SPATA17: variants seen among roughly 807,000 people sequenced by gnomAD.
The protein encoded by SPATA17 is spermatogenesis associated 17, also known as spermatogenesis-associated protein 17.
A neutral mutation model predicts 62.2 loss-of-function variants in SPATA17; 53 were observed. That is an observed-to-expected ratio of 0.85 (90% confidence interval 0.68 to 1.07). SPATA17 has a LOEUF of 1.07. Ranked by LOEUF, SPATA17 falls within the 50% of genes least tolerant of loss-of-function variation. The pLI, the probability that SPATA17 is intolerant of heterozygous loss-of-function variation, is 0.00. For synonymous variants in SPATA17, 146 were observed against 146.8 expected (o/e 0.99, Z 0.04); for missense variants, 466 against 425.5 (o/e 1.10, Z -0.84).
intron 10 of SPATA17, among the ~76,000 whole-genome samples, chr1:217,863,849 G>A (rs1273210363): frequency 3.3e-5 from 5 of 152,128 alleles, no homozygotes; most frequent in Admixed American, 6.6e-5. Flanking sequence ...GAGGAAAGGG[G>A]CAGAAATGAG....
At chr1:217,756,354 A>G (rs1571784271) in intron 6 of SPATA17, among the ~76,000 whole-genome samples, 1 of 151,878 alleles carries the variant, frequency 6.6e-6, no homozygotes, top group Non-Finnish European at 1.5e-5. Flanking sequence ...CTTATATACC[A>G]AGAAAAGGCA....
At chr1:217,633,915 G>T (rs1217511379) in intron 1 of SPATA17, among the ~76,000 whole-genome samples, 1 of 152,152 alleles carries the variant, frequency 6.6e-6, no homozygotes, top group Non-Finnish European at 1.5e-5. Flanking sequence ...ATGTGGAAAC[G>T]AGAAGCTCCT....
chr1:217,766,347 CT>C (rs541242077), intron 6 of SPATA17, among the ~76,000 whole-genome samples: 38 of 150,636 alleles, frequency 2.5e-4, no homozygotes, highest in Admixed American at 4.6e-4. Context: ...AGCTGCATTT[CT>C]TTTTTTTTAA....
chr1:217,777,023 C>G (rs1319550441), intron 7 of SPATA17, among the ~76,000 whole-genome samples: 1 of 151,256 alleles, frequency 6.6e-6, no homozygotes. Flanking sequence ...AAAGACTACC[C>G]GACGGTGTGG....
chr1:217,779,717 A>G (rs1353271026), intron 7 of SPATA17, among the ~76,000 whole-genome samples: 1 of 151,868 alleles, frequency 6.6e-6, no homozygotes, highest in East Asian at 1.9e-4. Flanking sequence ...TGTGTTACCA[A>G]TAATAAAAAA....
chr1:217,704,230 C>CCTTTTT (rs1671677592), intron 5 of SPATA17, among the ~76,000 whole-genome samples: 1 of 41,692 alleles, frequency 2.4e-5, no homozygotes, highest in Non-Finnish European at 4.6e-5. Flanking sequence ...TTCCCTCTAC[C>CCTTTTT]TTTTTTTTTT....
At chr1:217,756,388 G>T (rs116478640) in intron 6 of SPATA17, among the ~76,000 whole-genome samples, 2,811 of 151,876 alleles carry the variant, frequency 0.019, 97 homozygotes, top group African/African-American at 0.064. Context: ...ATATTTTTTA[G>T]ACTCTGTGTG....
chr1:217,739,885 A>G (rs1571771028), intron 5 of SPATA17, among the ~76,000 whole-genome samples: 1 of 152,212 alleles, frequency 6.6e-6, no homozygotes, highest in Non-Finnish European at 1.5e-5. Flanking sequence ...GGATGAATTT[A>G]TTAAATTAAC....
intron 1 of SPATA17, among the ~76,000 whole-genome samples, chr1:217,634,838 T>A (rs1423345471): frequency 2.0e-5 from 3 of 152,236 alleles, no homozygotes; most frequent in African/African-American, 7.2e-5. Context: ...TCTCTTTCAC[T>A]GTCTCAGTTA....
intron 6 of SPATA17, among the ~76,000 whole-genome samples, chr1:217,760,300 T>C (rs888021765): frequency 4.6e-5 from 7 of 151,962 alleles, no homozygotes; most frequent in Non-Finnish European, 1.0e-4. Flanking sequence ...CAGAACAAAA[T>C]AGGAAAACAA....
intron 9 of SPATA17, among the ~76,000 whole-genome samples, chr1:217,820,207 C>T (rs1457982503): frequency 1.3e-5 from 2 of 152,040 alleles, no homozygotes; most frequent in Admixed American, 1.3e-4. Flanking sequence ...ACCCGCTAGA[C>T]TATCCTAAAC....
intron 5 of SPATA17, among the ~76,000 whole-genome samples, chr1:217,704,541 C>T (rs1466156547): frequency 9.9e-5 from 15 of 151,958 alleles, no homozygotes; most frequent in South Asian, 4.2e-4. Context: ...TGAGCCACCG[C>T]GCCCGGCCCT....
chr1:217,745,845 C>T (rs964874367), intron 6 of SPATA17, among the ~76,000 whole-genome samples: 1 of 152,002 alleles, frequency 6.6e-6, no homozygotes, highest in Non-Finnish European at 1.5e-5. Flanking sequence ...CTGAAATTAA[C>T]AACCATTTAT....
chr1:217,863,133 T>G (rs1168062449), intron 10 of SPATA17, among the ~76,000 whole-genome samples: 1 of 148,070 alleles, frequency 6.8e-6, no homozygotes, highest in Non-Finnish European at 1.5e-5. Context: ...TTTTTTTTTT[T>G]TTTTTTTGAG....
intron 5 of SPATA17, among the ~76,000 whole-genome samples, chr1:217,726,801 A>AT (rs767584798): frequency 6.6e-6 from 1 of 152,014 alleles, no homozygotes; most frequent in Non-Finnish European, 1.5e-5. Flanking sequence ...AAATCCACAC[A>AT]TTATTACTAC....
intron 9 of SPATA17, among the ~76,000 whole-genome samples, chr1:217,841,010 TA>T (rs987271887): frequency 1.3e-4 from 20 of 151,352 alleles, no homozygotes; most frequent in Non-Finnish European, 2.6e-4. Context: ...ATTCAGAAAA[TA>T]AAAAAATGTT....
chr1:217,836,962 G>A (rs1050050196), intron 9 of SPATA17, among the ~76,000 whole-genome samples: 2 of 152,046 alleles, frequency 1.3e-5, no homozygotes, highest in African/African-American at 2.4e-5. Context: ...GTTATTTTGG[G>A]TATATGTTCC....
chr1:217,820,411 CA>C (rs1425228433), intron 9 of SPATA17, among the ~76,000 whole-genome samples: 2 of 151,828 alleles, frequency 1.3e-5, no homozygotes, highest in Non-Finnish European at 2.9e-5. Context: ...ACAAGAATGG[CA>C]GTGGATTTGG....
At chr1:217,784,052 A>G (rs11117933) in intron 8 of SPATA17, among the ~76,000 whole-genome samples, 74,129 of 151,902 alleles carry the variant, frequency 0.49, 19,341 homozygotes, top group Non-Finnish European at 0.59. Flanking sequence ...TTGGTCTTTA[A>G]CCTAAGGATA....
Sources: gnomAD v4.1 joint callset for allele counts (sites outside exome capture counted in the v4.1 genomes callset) on GRCh38, gnomAD v4.1.1 for gene constraint, MANE v1.5 for transcripts, NCBI Gene and HGNC (gene_info 2026-07-23, HGNC 2026-07-21) for gene names.